Variants in CREBBP observed in about 807,000 individuals in gnomAD.
CREBBP encodes the protein CREB binding lysine acetyltransferase.
Under a neutral mutation model 265.0 loss-of-function variants are expected in CREBBP, and 19 were observed. The observed-to-expected ratio is 0.07, with a 90% CI of 0.05 to 0.11. CREBBP has a LOEUF of 0.11. Ranked by LOEUF, CREBBP falls within the 10% of genes least tolerant of loss-of-function variation. The pLI, the probability that CREBBP is intolerant of heterozygous loss-of-function variation, is 1.00. For missense variants in CREBBP, 2,525 were observed against 3,219.0 expected (o/e 0.78, Z 5.22); for synonymous variants, 1,457 against 1,223.7 (o/e 1.19, Z -3.98).
chr16:3,861,214 A>G (rs1050765712), intron 1 of CREBBP, among the ~76,000 whole-genome samples: 94 of 152,322 alleles, frequency 6.2e-4, no homozygotes, highest in African/African-American at 2.1e-3. Context: ...GGTTGCAGTG[A>G]GCCGAGATCG....
chr16:3,880,019 G>A lies in CREBBP; in HGVS notation c.-103C>T, dbSNP rs1261738274. On this transcript the variant is annotated 5_prime_UTR_variant, in exon 1 of 31. Transcript: ENST00000262367. ...CCGGCTGCGAGGGAGAGGAGCGAGC[G>A]CGGGCCGCGAGCGGGCGGGCGGGCG... is the stretch of plus-strand genomic sequence containing the variant. 1.4e-5 allele frequency: 14 copies of A among 1,029,568 alleles called. No individual in the cohort carries two copies. The highest frequency in any genetic ancestry group is 1.1e-4 in the South Asian group (3 of 26,114). The allele number at this position is 1,029,568 out of a possible 1,614,324, so 63.8% of individuals were successfully genotyped here.
rs1567360703 is a variant in CREBBP at position 3,849,448 on chromosome 16, T to TGTGTGTGTGTGTG, written c.798+836_798+848dup. The stretch of plus-strand genomic sequence containing the variant: ...GTGTGTGTGTGTGTGTGTGTGTGTG[T>TGTGTGTGTGTGTG]GTGTGTGTGTGTGTGTGTGTGTGTG... On this transcript the variant is annotated intron_variant, in intron 2 of 30. Coordinates refer to ENST00000262367, the MANE Select transcript of CREBBP (RefSeq NM_004380.3). Among the ~76,000 whole-genome samples, 4 of 50,360 alleles carry TGTGTGTGTGTGTG rather than the reference T, an allele frequency of 7.9e-5. 1 individual carries two copies. Among genetic ancestry groups the TGTGTGTGTGTGTG allele is most frequent in the Non-Finnish European group, 2.1e-4 (4 of 19,182 alleles). 33.0% of individuals were successfully genotyped at this position (50,360 alleles called of 152,430 possible).
intron 2 of CREBBP, among the ~76,000 whole-genome samples, chr16:3,831,054 A>T (rs1396670475): frequency 6.6e-6 from 1 of 152,230 alleles, no homozygotes; most frequent in African/African-American, 2.4e-5. Context: ...TGCTGGGATT[A>T]CAGGCATGAG....
At chr16:3,877,518 T>C (rs2055428524) in intron 1 of CREBBP, among the ~76,000 whole-genome samples, 1 of 152,220 alleles carries the variant, frequency 6.6e-6, no homozygotes. Context: ...TTGTCATGCC[T>C]CAGCCTCTCA....
At chr16:3,856,538 C>A (rs1297305226) in intron 1 of CREBBP, among the ~76,000 whole-genome samples, 1 of 152,148 alleles carries the variant, frequency 6.6e-6, no homozygotes, top group Non-Finnish European at 1.5e-5. Context: ...CCAGGCTGGT[C>A]TCAAACTCCT....
intron 8 of CREBBP, among the ~76,000 whole-genome samples, chr16:3,780,341 A>G (rs185422198): frequency 2.8e-4 from 42 of 152,198 alleles, no homozygotes; most frequent in Admixed American, 2.6e-4. Flanking sequence ...AACTTTTCCA[A>G]TTCTGAGGGG....
At position 3,835,108 on chromosome 16, in the gene CREBBP, G is replaced by C. The variant is rs145462721; in HGVS notation, c.798+15189C>G. The stretch of plus-strand genomic sequence containing the variant: ...CGGGAGGTGGAGGTTGCAGTGAGCC[G>C]AGACCACGCCACTGCACTCCGGCCT... On this transcript the variant is annotated intron_variant, in intron 2 of 30. Coordinates refer to ENST00000262367, the MANE Select transcript of CREBBP (RefSeq NM_004380.3). Among the ~76,000 whole-genome samples, 322 of 152,220 alleles carry C rather than the reference G, an allele frequency of 2.1e-3. 4 individuals are homozygous for C. In the East Asian group the frequency reaches 0.052, roughly 25 times the overall value.
chr16:3,787,810 G>A (rs2053421406), intron 5 of CREBBP, among the ~76,000 whole-genome samples: 2 of 152,026 alleles, frequency 1.3e-5, no homozygotes, highest in African/African-American at 4.8e-5. Flanking sequence ...CGAGTAGCTG[G>A]GACTACAGGC....
intron 2 of CREBBP, among the ~76,000 whole-genome samples, chr16:3,848,995 A>C (rs1169828621): frequency 6.6e-6 from 1 of 152,182 alleles, no homozygotes; most frequent in African/African-American, 2.4e-5. Flanking sequence ...TCCGTCACCC[A>C]ACGCTCTCAT....
chr16:3,808,563 C>A (rs2053876705), intron 3 of CREBBP, among the ~76,000 whole-genome samples: 1 of 152,250 alleles, frequency 6.6e-6, no homozygotes, highest in African/African-American at 2.4e-5. Context: ...CGGGCAGAAA[C>A]TGCCCTTGAC....
chr16:3,847,406 G>C (rs1298598001), intron 2 of CREBBP, among the ~76,000 whole-genome samples: 1 of 152,136 alleles, frequency 6.6e-6, no homozygotes, highest in African/African-American at 2.4e-5. Context: ...AGGTTCTAGA[G>C]AGGGAATGGT....
At position 3,774,683 on chromosome 16, in the gene CREBBP, T is replaced by C; in HGVS notation, c.2169A>G (p.Ser723=). 6.2e-7 allele frequency: 1 copy of C among 1,614,186 alleles called. No homozygotes were observed. ...CGTTCCCCAAGGACATGGGGTTAAA[T>C]GAATTCATCCCTGTAAATGTACCCA... ...NRMQVSQGMN[S]FNPMSLGNVQ... is the part of the protein sequence containing the mutation. The change falls in exon 12 of 31, where the codon TCA becomes TCG. Residue 723 remains serine (S), a synonymous_variant. Coordinates refer to ENST00000262367, the MANE Select transcript of CREBBP (RefSeq NM_004380.3).
intron 2 of CREBBP, among the ~76,000 whole-genome samples, chr16:3,833,160 C>T (rs566688422): frequency 4.9e-4 from 74 of 152,324 alleles, no homozygotes; most frequent in African/African-American, 6.7e-4. Flanking sequence ...CACCTATAAT[C>T]CCAGCACTTT....
At chr16:3,742,895 G>C (rs1259501008) in intron 23 of CREBBP, 3 of 152,188 alleles carry the variant, frequency 2.0e-5, no homozygotes, top group Non-Finnish European at 4.4e-5. Flanking sequence ...GAGGGGGCTG[G>C]ACCTGCTCTG....
chr16:3,803,521 A>G (rs1596970470), intron 3 of CREBBP, among the ~76,000 whole-genome samples: 1 of 152,176 alleles, frequency 6.6e-6, no homozygotes, highest in South Asian at 2.1e-4. Flanking sequence ...AACAACAACA[A>G]AAAAAACAAA....
rs532180780 is a variant in CREBBP, at chr16:3,770,487, C to T, written c.2880+83G>A. 4.4e-5 allele frequency: 65 copies of T among 1,491,784 alleles called. 2 individuals carry two copies. In the South Asian group the frequency reaches 5.9e-4, roughly 14 times the overall value. The allele number at this position is 1,491,784 out of a possible 1,614,324, so 92.4% of individuals were successfully genotyped here. A position where few individuals can be genotyped will look rare whatever the true frequency, so the allele number is the denominator to read the frequency against. ...CTGAAATTATAGGTGTGAACCACCG[C>T]GCCTGGCCTGACACACAATTTTTAT... On this transcript the variant is annotated intron_variant, in intron 14 of 30. Coordinates refer to ENST00000262367, the MANE Select transcript of CREBBP (RefSeq NM_004380.3).
At chr16:3,773,983 G>A in intron 12 of CREBBP, 53 bp from the exon 13 acceptor site, 1 of 1,591,516 alleles carries the variant, frequency 6.3e-7, no homozygotes. Context: ...GACGGCCAGA[G>A]TTTTCAAGGT....
At chr16:3,830,817 C>T (rs1397805187) in intron 2 of CREBBP, among the ~76,000 whole-genome samples, 1 of 152,112 alleles carries the variant, frequency 6.6e-6, no homozygotes, top group African/African-American at 2.4e-5. Flanking sequence ...GAGTCTTGCT[C>T]CGTACCCAGG....
rs148140421 is a variant in CREBBP at position 3,748,873 on chromosome 16, C to T, written c.3836+754G>A. On this transcript the variant is annotated intron_variant, in intron 21 of 30. Coordinates refer to ENST00000262367, the MANE Select transcript of CREBBP (RefSeq NM_004380.3). ...GAAAAGTGCTTAACAGGGCCGGGCG[C>T]GGTGGCTCACGCCTGGAATCCCAGC... Among the ~76,000 whole-genome samples the T allele has an allele frequency of 6.5e-3, 985 of 152,252 alleles. 3 individuals are homozygous for T. Among genetic ancestry groups the T allele is most frequent in the Non-Finnish European group, 9.6e-3 (652 of 67,996 alleles).
Sources: allele counts gnomAD v4.1 joint callset (sites outside exome capture counted in the v4.1 genomes callset), GRCh38; gene constraint gnomAD v4.1.1; transcripts MANE v1.5; gene names NCBI Gene and HGNC (gene_info 2026-07-23, HGNC 2026-07-21).